The following TRPV1 variants were observed in gnomAD, a reference collection of about 807,000 sequenced individuals.
TRPV1 encodes OTRPC1.
Under a neutral mutation model 82.3 loss-of-function variants are expected in TRPV1, and 82 were observed. That is an observed-to-expected ratio of 1.00 (90% CI 0.83 to 1.20). The LOEUF (loss-of-function observed/expected upper bound fraction) is 1.20, where lower values mean the gene tolerates loss of function less well. Ranked by LOEUF, TRPV1 falls within the 50% of genes most tolerant of loss-of-function variation. TRPV1 has a pLI of 0.00. For missense variants in TRPV1, 1,067 were observed against 1,096.8 expected, an observed-to-expected ratio of 0.97 and a Z score of 0.38; for synonymous variants, 515 against 467.7, an observed-to-expected ratio of 1.10 and a Z score of -1.30.
Position 3,577,745 on chromosome 17 carries a change from G to C in TRPV1, c.1566C>G (p.Phe522Leu), listed in dbSNP as rs200510177. 6.3e-7 allele frequency: 1 copy of C among 1,593,306 alleles called. No homozygotes were observed. The highest frequency in any genetic ancestry group is 1.1e-5 in the South Asian group (1 of 87,478). Residue 522 changes from phenylalanine to leucine, a missense_variant, in exon 12 of 17, where the codon TTC becomes TTG. Coordinates refer to ENST00000572705, the MANE Select transcript of TRPV1 (RefSeq NM_080704.4). ...AGTACAGCACCACGGTGGCCAGCAT[G>C]AACAGTGACTGCAGAAAGCTGCGGG... ...SEMLFFLQSL[F>L]MLATVVLYFS...
chr17:3,580,913 T>G (rs575981547), intron 10 of TRPV1, among the ~76,000 whole-genome samples: 2 of 151,344 alleles, frequency 1.3e-5, no homozygotes, highest in Admixed American at 6.6e-5. Flanking sequence ...CAGCTACTCA[T>G]GAGGCTGAGG....
At chr17:3,587,824 A>G (rs1246686294) in intron 8 of TRPV1, among the ~76,000 whole-genome samples, 1 of 150,342 alleles carries the variant, frequency 6.7e-6, no homozygotes, top group Non-Finnish European at 1.5e-5. Context: ...AAAAAAAAAA[A>G]GAAAAATCTA....
At chr17:3,574,111 T>C (rs1365702393) in intron 13 of TRPV1, among the ~76,000 whole-genome samples, 156 bp from the exon 14 acceptor site, 1 of 152,200 alleles carries the variant, frequency 6.6e-6, no homozygotes, top group Non-Finnish European at 1.5e-5. Context: ...ATTTTCATAG[T>C]ATATTTTTAA....
rs1160011369 is a variant in TRPV1, at chr17:3,583,429, G to C, written c.1385C>G (p.Pro462Arg). The C allele has an allele frequency of 6.3e-7, 1 of 1,597,854 alleles. No individual in the cohort carries two copies. The change falls in exon 10 of 17, where the codon CCT becomes CGT. Residue 462 changes from proline (P) to arginine (R), a missense_variant and splice_region_variant. Transcript: ENST00000572705. ...TCCAGTTTTTTCCATCTTAAAGGGA[G>C]GCTGTGAGATGCAGAGAAGTTGGTA... ...AAYYRPVDGLPPFKMEKTGDY... is the reference protein window; with the variant it reads ...AAYYRPVDGLRPFKMEKTGDY...
chr17:3,573,284 C>T (rs2074883330), intron 14 of TRPV1, among the ~76,000 whole-genome samples: 1 of 152,138 alleles, frequency 6.6e-6, no homozygotes, highest in Non-Finnish European at 1.5e-5. Flanking sequence ...CTGAGCCCTC[C>T]CCCTTCTTCC....
intron 2 of TRPV1, among the ~76,000 whole-genome samples, chr17:3,598,961 GGGCGC>G (rs951831682): frequency 1.3e-5 from 2 of 151,156 alleles, no homozygotes; most frequent in African/African-American, 4.9e-5. Context: ...GCAAAAGGCC[GGGCGC>G]GGTGGCTCAT....
chr17:3,582,145 G>A (rs1432414540), intron 10 of TRPV1, among the ~76,000 whole-genome samples: 2 of 133,770 alleles, frequency 1.5e-5, no homozygotes, highest in East Asian at 4.9e-4. Context: ...AGTGGAGATT[G>A]TGCCACTGCA....
intron 2 of TRPV1, among the ~76,000 whole-genome samples, chr17:3,599,226 C>T (rs1321439774): frequency 1.3e-5 from 2 of 151,840 alleles, no homozygotes; most frequent in Non-Finnish European, 2.9e-5. Flanking sequence ...GCAACAAGAG[C>T]GAAACTCTGT....
rs770515292 is a variant in TRPV1 at position 3,591,135 on chromosome 17, G to A, written c.452-19C>T. On this transcript the variant is annotated intron_variant, in intron 4 of 16. Coordinates refer to ENST00000572705, the MANE Select transcript of TRPV1 (RefSeq NM_080704.4). ...TCAGGGTCTGAAAGACATAAGGGAG[G>A]GTCAGGGCAGGCCAGGGCTGGGGCC... 6.2e-7 allele frequency: 1 copy of A among 1,610,690 alleles called. No individual in the cohort carries two copies. Among genetic ancestry groups the A allele is most frequent in the Admixed American group, 1.7e-5 (1 of 59,262 alleles).
At chr17:3,600,643 A>G (rs1301550844) in intron 2 of TRPV1, among the ~76,000 whole-genome samples, 3 of 152,156 alleles carry the variant, frequency 2.0e-5, no homozygotes, top group African/African-American at 7.2e-5. Flanking sequence ...TGAACACAGC[A>G]CACATCACTA....
intron 9 of TRPV1, among the ~76,000 whole-genome samples, chr17:3,584,384 C>G (rs2075056875): frequency 8.9e-6 from 1 of 112,532 alleles, no homozygotes; most frequent in Admixed American, 1.2e-4. Flanking sequence ...GCCTGGAAAA[C>G]AGAGAGAGAC....
chr17:3,606,677 G>A (rs972985723), intron 2 of TRPV1, among the ~76,000 whole-genome samples: 2 of 152,102 alleles, frequency 1.3e-5, no homozygotes, highest in Admixed American at 1.3e-4. Context: ...CCACCTAGAC[G>A]GAGGCTCCAG....
intron 13 of TRPV1, among the ~76,000 whole-genome samples, chr17:3,574,778 T>A (rs1233368845): frequency 6.6e-6 from 1 of 151,296 alleles, no homozygotes; most frequent in African/African-American, 2.4e-5. Flanking sequence ...GTGAAACCCG[T>A]CTCTACTAAA....
chr17:3,580,700 C>A (rs544741543), intron 10 of TRPV1, among the ~76,000 whole-genome samples, 173 bp from the exon 11 acceptor site: 83 of 152,172 alleles, frequency 5.5e-4, no homozygotes, highest in African/African-American at 1.9e-3. Context: ...ACTAGGTGGC[C>A]CAGTCAGTAG....
In TRPV1 at chr17:3,573,548, C is replaced by CCCCCCCCCCCCCCCCCCCCCCT; in HGVS notation, c.2103+84_2103+85insAGGGGGGGGGGGGGGGGGGGGG. The CCCCCCCCCCCCCCCCCCCCCCT allele has an allele frequency of 7.3e-6, 3 of 411,100 alleles. 1 individual carries two copies. The highest frequency in any genetic ancestry group is 3.6e-6 in the Non-Finnish European group (1 of 279,480). The allele number at this position is 411,100 out of a possible 1,614,324, so 25.5% of individuals were successfully genotyped here. A position where few individuals can be genotyped will look rare whatever the true frequency, so the allele number is the denominator to read the frequency against. Reference sequence around the variant, plus strand: ...CCACACACCGCCCCCACCACCCACCCACCTGCAGCCAGCTGTGTAAGACAG... The same window carrying CCCCCCCCCCCCCCCCCCCCCCT: ...CCACACACCGCCCCCACCACCCACCCCCCCCCCCCCCCCCCCCCCCCTACCTGCAGCCAGCTGTGTAAGACAG... On this transcript the variant is annotated intron_variant, in intron 14 of 16. Coordinates refer to ENST00000572705, the MANE Select transcript of TRPV1 (RefSeq NM_080704.4).
At chr17:3,570,263 G>A (rs1408354832) in intron 16 of TRPV1, among the ~76,000 whole-genome samples, 2 of 151,858 alleles carry the variant, frequency 1.3e-5, no homozygotes, top group African/African-American at 2.4e-5. Context: ...CCAGCTACTC[G>A]GGAGACTGAG....
chr17:3,573,558 CAG>C, intron 14 of TRPV1, 73 bp downstream of exon 14: 1 of 929,548 alleles, frequency 1.1e-6, no homozygotes. Flanking sequence ...CACCTGCAGC[CAG>C]CTGTGTAAGA....
chr17:3,575,726 G>A (rs772102445), intron 13 of TRPV1, among the ~76,000 whole-genome samples: 22 of 152,234 alleles, frequency 1.4e-4, no homozygotes, highest in Non-Finnish European at 2.9e-4. Flanking sequence ...GAAGTGAGAC[G>A]GACATCATGT....
Position 3,573,883 on chromosome 17 carries a change from C to A in TRPV1, c.1853G>T (p.Gly618Val). 1 of 1,608,558 alleles carries A rather than the reference C, an allele frequency of 6.2e-7. No homozygotes were observed. Among genetic ancestry groups the A allele is most frequent in the Non-Finnish European group, 8.5e-7 (1 of 1,178,464 alleles). ...PSESTSHRWR[G>V]PACRPPDSSY... ...GCTATCGGGGGGCCTGCAGGCAGGCCCCCGCCACCTGTGCGACGTGGACTC... is the reference window on the plus strand; with the variant it reads ...GCTATCGGGGGGCCTGCAGGCAGGCACCCGCCACCTGTGCGACGTGGACTC... The change falls in exon 14 of 17, where the codon GGG (glycine) becomes GTG (valine). Residue 618 changes from glycine (G) to valine (V), a missense_variant. Coordinates refer to ENST00000572705, the MANE Select transcript of TRPV1 (RefSeq NM_080704.4).
Sources: gnomAD v4.1 joint callset for allele counts (sites outside exome capture counted in the v4.1 genomes callset) on GRCh38, gnomAD v4.1.1 for gene constraint, MANE v1.5 for transcripts, NCBI Gene and HGNC (gene_info 2026-07-23, HGNC 2026-07-21) for gene names.